LEPR: variants seen among roughly 807,000 people sequenced by gnomAD.
The protein encoded by LEPR is OB receptor.
LEPR carries 56 observed loss-of-function variants against 114.7 expected under a neutral mutation model. That is an observed-to-expected ratio of 0.49 (90% CI 0.39 to 0.61). The LOEUF is 0.61. Among genes scored for constraint, LEPR ranks in the 20% least tolerant of loss-of-function variants. The probability of loss-of-function intolerance (pLI) is 0.00; values close to 1 mark genes in which losing one functional copy is unlikely to be tolerated. For missense variants in LEPR, 1,202 were observed against 1,352.9 expected (o/e 0.89, Z 1.75); for synonymous variants, 443 against 461.4 (o/e 0.96, Z 0.51).
chr1:65,622,181 C>T (rs1657928526), intron 18 of LEPR, among the ~76,000 whole-genome samples: 1 of 152,088 alleles, frequency 6.6e-6, no homozygotes, highest in Non-Finnish European at 1.5e-5. Flanking sequence ...AAACAACAAG[C>T]TTATAACAGG....
rs1167775350 is a variant in LEPR, at chr1:65,637,848, G to A, written c.*833G>A. On this transcript the variant is annotated 3_prime_UTR_variant, in exon 20 of 20. Coordinates refer to ENST00000349533, the MANE Select transcript of LEPR (RefSeq NM_002303.6). ...GCAGTACTTTACATACCTTAACCCA[G>A]TTAATTATTGAAATAATTGTATGAG... is the stretch of plus-strand genomic sequence containing the variant. 2 of 152,044 alleles carry A rather than the reference G, an allele frequency of 1.3e-5. No homozygotes were observed. 9.4% of individuals were successfully genotyped at this position (152,044 alleles called of 1,614,324 possible). A position where few individuals can be genotyped will look rare whatever the true frequency, so the allele number is the denominator to read the frequency against.
chr1:65,532,842 G>A (rs961356387), intron 2 of LEPR, among the ~76,000 whole-genome samples: 5 of 152,052 alleles, frequency 3.3e-5, no homozygotes, highest in African/African-American at 9.7e-5. Context: ...AAAGGGGAGC[G>A]ACTGCTAATG....
intron 2 of LEPR, among the ~76,000 whole-genome samples, chr1:65,519,247 T>C (rs1357870243): frequency 6.6e-6 from 1 of 151,608 alleles, no homozygotes; most frequent in Non-Finnish European, 1.5e-5. Flanking sequence ...CCTCCCAGGC[T>C]CAAGAAATTC....
At chr1:65,513,321 A>AT (rs1649118948) in intron 2 of LEPR, among the ~76,000 whole-genome samples, 1 of 152,246 alleles carries the variant, frequency 6.6e-6, no homozygotes, top group African/African-American at 2.4e-5. Context: ...GAACAGGCTG[A>AT]TAAAAACACT....
At chr1:65,514,790 T>C (rs1649203733) in intron 2 of LEPR, among the ~76,000 whole-genome samples, 1 of 152,232 alleles carries the variant, frequency 6.6e-6, no homozygotes, top group South Asian at 2.1e-4. Flanking sequence ...TGGGAAACAG[T>C]AAAATTTGCC....
At chr1:65,535,102 A>G (rs575004738) in intron 2 of LEPR, among the ~76,000 whole-genome samples, 247 of 152,278 alleles carry the variant, frequency 1.6e-3, no homozygotes, top group African/African-American at 5.5e-3. Context: ...ATGATAAATC[A>G]TACACACACA....
intron 2 of LEPR, among the ~76,000 whole-genome samples, chr1:65,516,238 T>A (rs887021722): frequency 1.3e-5 from 2 of 151,988 alleles, no homozygotes; most frequent in Non-Finnish European, 1.5e-5. Flanking sequence ...ATTGAGACCA[T>A]CCTGGCTAAC....
intron 2 of LEPR, among the ~76,000 whole-genome samples, chr1:65,467,023 C>G (rs1647022587): frequency 6.6e-6 from 1 of 152,150 alleles, no homozygotes; most frequent in African/African-American, 2.4e-5. Context: ...CTTCTGAAGC[C>G]TACTTCTGTC....
intron 19 of LEPR, chr1:65,626,017 C>G (rs1658187243): frequency 3.1e-6 from 3 of 958,658 alleles, no homozygotes; most frequent in Non-Finnish European, 4.9e-6. Flanking sequence ...TACCTATGGA[C>G]CACCATGAAG....
chr1:65,605,279 T>C, intron 11 of LEPR, 42 bp downstream of exon 11: 1 of 1,607,368 alleles, frequency 6.2e-7, no homozygotes, highest in East Asian at 2.2e-5. Context: ...GTTAGCAGAT[T>C]TGTATGCAGA....
chr1:65,511,048 TG>T (rs777487224), intron 2 of LEPR, among the ~76,000 whole-genome samples: 43 of 152,332 alleles, frequency 2.8e-4, no homozygotes, highest in Middle Eastern at 3.4e-3. Flanking sequence ...ATTTTAGAAT[TG>T]TTTTAGAGCT....
At chr1:65,424,907 A>G (rs1352609785) in intron 1 of LEPR, among the ~76,000 whole-genome samples, 1 of 152,210 alleles carries the variant, frequency 6.6e-6, no homozygotes, top group Non-Finnish European at 1.5e-5. Flanking sequence ...TCTCACGGTG[A>G]GAGGGATGGA....
intron 2 of LEPR, among the ~76,000 whole-genome samples, chr1:65,499,467 C>A (rs1483777523): frequency 1.3e-5 from 2 of 151,974 alleles, no homozygotes; most frequent in African/African-American, 4.8e-5. Context: ...TAAAATTATA[C>A]CAAATTTCTG....
chr1:65,609,898 T>C (rs1351155959), intron 12 of LEPR, 49 bp from the exon 13 acceptor site: 1 of 1,613,314 alleles, frequency 6.2e-7, no homozygotes, highest in Admixed American at 1.7e-5. Flanking sequence ...GCCCTTTAGA[T>C]ACATATGTGT....
chr1:65,456,023 C>T (rs760686505), intron 2 of LEPR, among the ~76,000 whole-genome samples: 6 of 152,254 alleles, frequency 3.9e-5, no homozygotes, highest in Admixed American at 2.6e-4. Context: ...GCACAGTATT[C>T]GGGTGGGAGT....
At chr1:65,499,520 G>A (rs1461941524) in intron 2 of LEPR, among the ~76,000 whole-genome samples, 4 of 152,016 alleles carry the variant, frequency 2.6e-5, no homozygotes, top group African/African-American at 9.7e-5. Flanking sequence ...TGTGAATTCC[G>A]GGAAGATACT....
chr1:65,521,080 C>A (rs1247022472), intron 2 of LEPR, among the ~76,000 whole-genome samples: 1 of 152,218 alleles, frequency 6.6e-6, no homozygotes, highest in Non-Finnish European at 1.5e-5. Flanking sequence ...CTGTTCCCAA[C>A]AGTTGTTGGC....
intron 1 of LEPR, chr1:65,421,444 G>A (rs1330623797): frequency 6.5e-7 from 1 of 1,536,102 alleles, no homozygotes; most frequent in South Asian, 1.2e-5. Context: ...TTTTTTGCAA[G>A]GCTTCCTGTA....
At chr1:65,436,612 T>C (rs781552512) in intron 2 of LEPR, among the ~76,000 whole-genome samples, 3 of 152,190 alleles carry the variant, frequency 2.0e-5, no homozygotes, top group Non-Finnish European at 2.9e-5. Flanking sequence ...GATGACCATT[T>C]TGAAACATTT....
Sources: gnomAD v4.1 joint callset for allele counts (sites outside exome capture counted in the v4.1 genomes callset) on GRCh38, gnomAD v4.1.1 for gene constraint, MANE v1.5 for transcripts, NCBI Gene and HGNC (gene_info 2026-07-23, HGNC 2026-07-21) for gene names.